The following SSBP1 variants were observed in gnomAD, a reference collection of about 807,000 sequenced individuals.
SSBP1 encodes the protein single-stranded DNA-binding protein, mitochondrial.
Under a neutral mutation model 27.0 loss-of-function variants are expected in SSBP1, and 20 were observed. The observed-to-expected ratio is 0.74, with a 90% CI of 0.52 to 1.08. The LOEUF (loss-of-function observed/expected upper bound fraction) is 1.08. Among genes scored for constraint, SSBP1 ranks in the 50% least tolerant of loss-of-function variants. The probability of loss-of-function intolerance (pLI) is 0.00; values close to 1 mark genes in which losing one functional copy is unlikely to be tolerated. For synonymous variants in SSBP1, 59 were observed against 59.3 expected, an observed-to-expected ratio of 1.00 and a Z score of 0.02; for missense variants, 137 against 182.4, an observed-to-expected ratio of 0.75 and a Z score of 1.44.
intron 2 of SSBP1, 36 bp downstream of exon 2, chr7:141,739,226 A>C (rs1353716852): frequency 6.5e-7 from 1 of 1,540,196 alleles, no homozygotes; most frequent in African/African-American, 1.4e-5. Flanking sequence ...GAGATGTATT[A>C]CTATCAGCCA....
intron 1 of SSBP1, 43 bp from the exon 2 acceptor site, chr7:141,739,081 A>AT: frequency 8.2e-7 from 1 of 1,226,352 alleles, no homozygotes; most frequent in Non-Finnish European, 1.1e-6. Context: ...TACTTTTGCC[A>AT]TAAGAGGTAA....
chr7:141,745,105 T>A (rs939459812), intron 5 of SSBP1, among the ~76,000 whole-genome samples: 15 of 152,174 alleles, frequency 9.9e-5, no homozygotes, highest in Non-Finnish European at 1.8e-4. Flanking sequence ...GTTTCTAAGG[T>A]CATAGAAAAT....
chr7:141,743,155 G>C (rs1306979292), intron 3 of SSBP1, among the ~76,000 whole-genome samples: 4 of 152,208 alleles, frequency 2.6e-5, no homozygotes, highest in Non-Finnish European at 4.4e-5. Context: ...GCCCAGCCAG[G>C]TGTGGATTTC....
Position 141,750,473 on chromosome 7 carries a change from C to CT in SSBP1, c.*125dup, listed in dbSNP as rs1484412266. ...TCTTTTACGTAAAATGAGTAATAAT[C>CT]TTTTTTCTGACTGTCGTTCTCGCTC... On this transcript the variant is annotated 3_prime_UTR_variant, in exon 7 of 7. Transcript: ENST00000265304. 6.0e-6 allele frequency: 5 copies of CT among 829,982 alleles called. No homozygotes were observed. Among genetic ancestry groups the CT allele is most frequent in the South Asian group, 4.1e-5 (2 of 48,866 alleles). The allele number at this position is 829,982 out of a possible 1,614,324, so 51.4% of individuals were successfully genotyped here.
chr7:141,748,552 C>T (rs562792703), intron 6 of SSBP1, among the ~76,000 whole-genome samples: 1 of 152,312 alleles, frequency 6.6e-6, no homozygotes, highest in African/African-American at 2.4e-5. Context: ...TCCTACCCTC[C>T]TGTGGGTCCC....
intron 6 of SSBP1, among the ~76,000 whole-genome samples, chr7:141,749,444 C>T (rs1284724511): frequency 6.6e-6 from 1 of 152,064 alleles, no homozygotes; most frequent in Non-Finnish European, 1.5e-5. Flanking sequence ...AAAATGCTAA[C>T]TCTGTGATGT....
intron 4 of SSBP1, 24 bp from the exon 5 acceptor site, chr7:141,743,878 C>T: frequency 6.3e-7 from 1 of 1,598,006 alleles, no homozygotes; most frequent in Non-Finnish European, 8.5e-7. Flanking sequence ...CATTTGTAAC[C>T]AATTTCCTAT....
rs1309623845 is a variant in SSBP1, at chr7:141,745,489, A to G, written c.315-7A>G. ...CAACTAAAAACTGTACATTTTATTT[A>G]TATCAGGTCTCGAATTTATTTGGAA... On this transcript the variant is annotated splice_region_variant and splice_polypyrimidine_tract_variant and intron_variant, in intron 5 of 6. Transcript: ENST00000265304. 1.3e-6 allele frequency: 2 copies of G among 1,588,090 alleles called. No individual in the cohort carries two copies. Among genetic ancestry groups the G allele is most frequent in the Admixed American group, 1.8e-5 (1 of 56,086 alleles).
chr7:141,741,568 C>T (rs1383229339), intron 2 of SSBP1: 2 of 152,410 alleles, frequency 1.3e-5, no homozygotes. Context: ...TCTTTTAACT[C>T]TCCTTTGGTC....
intron 6 of SSBP1, 146 bp downstream of exon 6, chr7:141,745,730 CT>C: frequency 5.1e-6 from 7 of 1,385,992 alleles, no homozygotes; most frequent in Non-Finnish European, 6.6e-6. Flanking sequence ...ACTCTTATTT[CT>C]CTACTTGCTA....
chr7:141,745,703 A>C (rs112909022), intron 6 of SSBP1, 119 bp downstream of exon 6: 2 of 1,453,546 alleles, frequency 1.4e-6, no homozygotes, highest in Non-Finnish European at 1.8e-6. Context: ...AAGGCAACTC[A>C]CTAGAAGATG....
intron 2 of SSBP1, chr7:141,741,510 A>C (rs1267853427): frequency 6.6e-6 from 1 of 152,182 alleles, no homozygotes; most frequent in African/African-American, 2.4e-5. Flanking sequence ...TGATCATTGC[A>C]TATGTTATTA....
chr7:141,745,679 A>G, intron 6 of SSBP1, 95 bp downstream of exon 6: 1 of 1,519,794 alleles, frequency 6.6e-7, no homozygotes, highest in Non-Finnish European at 8.8e-7. Context: ...TAAGAGTACC[A>G]GTACTTATGA....
chr7:141,746,953 C>A (rs1799813539), intron 6 of SSBP1, among the ~76,000 whole-genome samples: 1 of 151,954 alleles, frequency 6.6e-6, no homozygotes, highest in African/African-American at 2.4e-5. Flanking sequence ...TTTCTTTGAA[C>A]TTGTTTTACT....
At chr7:141,743,813 T>C in intron 4 of SSBP1, 89 bp from the exon 5 acceptor site, 3 of 1,545,220 alleles carry the variant, frequency 1.9e-6, no homozygotes, top group Non-Finnish European at 2.6e-6. Context: ...TCTTTCATTC[T>C]GTTTGTTCTC....
intron 6 of SSBP1, among the ~76,000 whole-genome samples, chr7:141,747,961 G>A (rs1481600282): frequency 1.5e-5 from 2 of 135,290 alleles, no homozygotes; most frequent in Non-Finnish European, 3.0e-5. Context: ...TCACACCACT[G>A]CACTCCAGCC....
At chr7:141,742,729 A>G (rs1215970851) in intron 3 of SSBP1, among the ~76,000 whole-genome samples, 2 of 152,130 alleles carry the variant, frequency 1.3e-5, no homozygotes, top group South Asian at 2.1e-4. Flanking sequence ...TTCTCTCGCA[A>G]CCTCTCCTTA....
chr7:141,739,100 T>C, intron 1 of SSBP1, 24 bp from the exon 2 acceptor site: 1 of 1,437,760 alleles, frequency 7.0e-7, no homozygotes, highest in Non-Finnish European at 9.5e-7. Flanking sequence ...AATGTTTTTT[T>C]CTTATTTTGT....
At chr7:141,744,140 T>G (rs139402202) in intron 5 of SSBP1, 151 bp downstream of exon 5, 2 of 646,682 alleles carry the variant, frequency 3.1e-6, no homozygotes, top group African/African-American at 3.7e-5. Context: ...TCCTTGATAC[T>G]ATATGCATGG....
Sources: allele counts gnomAD v4.1 joint callset (sites outside exome capture counted in the v4.1 genomes callset), GRCh38; gene constraint gnomAD v4.1.1; transcripts MANE v1.5; gene names NCBI Gene and HGNC (gene_info 2026-07-23, HGNC 2026-07-21).